The following TBC1D1 variants were observed in gnomAD, a reference collection of about 807,000 sequenced individuals.
TBC1D1 encodes the protein TBC1 (tre-2/USP6, BUB2, cdc16) domain family, member 1.
In TBC1D1, 89 loss-of-function variants were observed where a neutral mutation model predicts 125.6. That is an observed-to-expected ratio of 0.71 (90% CI 0.60 to 0.85). The LOEUF is 0.85. Among genes scored for constraint, TBC1D1 ranks in the 40% least tolerant of loss-of-function variants. The probability of loss-of-function intolerance (pLI) is 0.00; values close to 1 mark genes in which losing one functional copy is unlikely to be tolerated. For synonymous variants in TBC1D1, 565 were observed against 564.1 expected, an observed-to-expected ratio of 1.00 and a Z score of -0.02; for missense variants, 1,377 against 1,469.2, an observed-to-expected ratio of 0.94 and a Z score of 1.03.
intron 8 of TBC1D1, among the ~76,000 whole-genome samples, chr4:38,042,303 G>GAAA (rs1748552785): frequency 6.6e-6 from 1 of 152,048 alleles, no homozygotes; most frequent in Non-Finnish European, 1.5e-5. Context: ...CACCCAAGCT[G>GAAA]GAGTGCGGTG....
At chr4:37,943,552 T>C (rs886239522) in intron 2 of TBC1D1, among the ~76,000 whole-genome samples, 65 of 152,346 alleles carry the variant, frequency 4.3e-4, no homozygotes, top group African/African-American at 1.3e-3. Context: ...CTCTTTTTTC[T>C]CCAAACTTCT....
intron 3 of TBC1D1, among the ~76,000 whole-genome samples, chr4:38,016,210 C>T (rs2152429444): frequency 6.6e-6 from 1 of 152,256 alleles, no homozygotes. Flanking sequence ...TACAGCATGC[C>T]TGAGAGCATT....
intron 2 of TBC1D1, among the ~76,000 whole-genome samples, chr4:37,998,635 T>C (rs1194319808): frequency 6.6e-6 from 1 of 152,210 alleles, no homozygotes; most frequent in African/African-American, 2.4e-5. Flanking sequence ...CTAAATCATG[T>C]TACCTGTCTG....
chr4:38,005,212 G>T (rs1329870154), intron 2 of TBC1D1, among the ~76,000 whole-genome samples: 1 of 152,204 alleles, frequency 6.6e-6, no homozygotes, highest in African/African-American at 2.4e-5. Flanking sequence ...ATATAAATGT[G>T]TGCTTTATTT....
At chr4:38,009,544 TA>T (rs1227949175) in intron 2 of TBC1D1, among the ~76,000 whole-genome samples, 1 of 152,232 alleles carries the variant, frequency 6.6e-6, no homozygotes, top group Non-Finnish European at 1.5e-5. Context: ...TTATAATCCC[TA>T]AATCCTTAAA....
intron 15 of TBC1D1, among the ~76,000 whole-genome samples, chr4:38,109,782 C>T (rs1761934899): frequency 1.3e-5 from 2 of 152,234 alleles, no homozygotes; most frequent in Admixed American, 1.3e-4. Flanking sequence ...TACTGGGCAA[C>T]TGATAACCAA....
chr4:38,127,586 G>T (rs1764874366), intron 18 of TBC1D1, among the ~76,000 whole-genome samples: 1 of 152,120 alleles, frequency 6.6e-6, no homozygotes, highest in South Asian at 2.1e-4. Context: ...GTTTCGCCAT[G>T]TTGGCCAGGC....
chr4:38,116,275 G>A (rs1249688523), intron 16 of TBC1D1, among the ~76,000 whole-genome samples: 1 of 152,084 alleles, frequency 6.6e-6, no homozygotes, highest in Non-Finnish European at 1.5e-5. Flanking sequence ...CTTCCCTCTT[G>A]CCCCCATCAG....
In TBC1D1 at chr4:37,993,667, C is replaced by T. The variant is rs141465813; in HGVS notation, c.418-20842C>T. Among the ~76,000 whole-genome samples, 1,261 of 152,268 alleles carry T rather than the reference C, an allele frequency of 8.3e-3. 56 individuals are homozygous for T. Among genetic ancestry groups the T allele is most frequent in the Admixed American group, 0.075 (1,150 of 15,292 alleles). ...CGCAATCTCAACTCACTGCAACCTC[C>T]GCCTCCCGGGTTCAAGCAATTCTCC... On this transcript the variant is annotated intron_variant, in intron 2 of 19. Coordinates refer to ENST00000261439, the MANE Select transcript of TBC1D1 (RefSeq NM_015173.4).
At chr4:37,893,945 A>C (rs1386571507) in intron 1 of TBC1D1, among the ~76,000 whole-genome samples, 1 of 151,102 alleles carries the variant, frequency 6.6e-6, no homozygotes, top group East Asian at 1.9e-4. Flanking sequence ...TTTAGACCAG[A>C]TTCTTCACGA....
intron 18 of TBC1D1, among the ~76,000 whole-genome samples, chr4:38,129,167 G>A (rs1377679310): frequency 6.6e-6 from 1 of 152,132 alleles, no homozygotes; most frequent in Admixed American, 6.5e-5. Context: ...ACCCTGCTGT[G>A]GGCAACTCTG....
chr4:37,895,475 T>C (rs1714361886), intron 1 of TBC1D1, among the ~76,000 whole-genome samples: 2 of 152,108 alleles, frequency 1.3e-5, no homozygotes, highest in Non-Finnish European at 2.9e-5. Flanking sequence ...AGGCCGAGGC[T>C]GGCAGATCAC....
chr4:38,040,851 G>C (rs1451323493), intron 8 of TBC1D1, among the ~76,000 whole-genome samples: 1 of 152,150 alleles, frequency 6.6e-6, no homozygotes, highest in African/African-American at 2.4e-5. Flanking sequence ...CATTTAGCAG[G>C]CACTTGGTCA....
At chr4:38,013,897 A>T (rs995236284) in intron 2 of TBC1D1, among the ~76,000 whole-genome samples, 5 of 152,224 alleles carry the variant, frequency 3.3e-5, no homozygotes, top group African/African-American at 1.2e-4. Flanking sequence ...TTGACTTGCT[A>T]GTCACTATTC....
chr4:38,020,521 T>C lies in TBC1D1; in HGVS notation c.973-70T>C. On this transcript the variant is annotated intron_variant, in intron 4 of 19. Coordinates refer to ENST00000261439, the MANE Select transcript of TBC1D1 (RefSeq NM_015173.4). ...TAAAATAAATTGTGCTGTATAAATC[T>C]TGAGGTGCATTTCTGAGGATGGTGC... 6.5e-6 allele frequency: 8 copies of C among 1,224,360 alleles called. No individual in the cohort carries two copies. The South Asian group carries it at 9.7e-5, about 15-fold the overall frequency. 75.8% of individuals were successfully genotyped at this position (1,224,360 alleles called of 1,614,324 possible). A position where few individuals can be genotyped will look rare whatever the true frequency, so the allele number is the denominator to read the frequency against.
At chr4:37,931,122 A>T (rs915706369) in intron 2 of TBC1D1, among the ~76,000 whole-genome samples, 2 of 117,262 alleles carry the variant, frequency 1.7e-5, no homozygotes, top group Non-Finnish European at 3.8e-5. Context: ...TGTTTGTTTG[A>T]GATGGAGTCT....
At chr4:38,037,547 A>T (rs962132172) in intron 8 of TBC1D1, among the ~76,000 whole-genome samples, 3 of 152,144 alleles carry the variant, frequency 2.0e-5, no homozygotes, top group Non-Finnish European at 2.9e-5. Context: ...ATTCACTGAT[A>T]GATCCTTTTC....
At chr4:38,125,726 A>G (rs1167925521) in intron 18 of TBC1D1, among the ~76,000 whole-genome samples, 1 of 152,170 alleles carries the variant, frequency 6.6e-6, no homozygotes, top group African/African-American at 2.4e-5. Flanking sequence ...TTTACTGGGA[A>G]TTACAACTAA....
chr4:38,007,271 GA>G (rs1360859035), intron 2 of TBC1D1, among the ~76,000 whole-genome samples: 1 of 151,368 alleles, frequency 6.6e-6, no homozygotes, highest in Non-Finnish European at 1.5e-5. Context: ...ATTATTTTTT[GA>G]GACGGAGTCT....
Sources: allele counts gnomAD v4.1 joint callset (sites outside exome capture counted in the v4.1 genomes callset), GRCh38; gene constraint gnomAD v4.1.1; transcripts MANE v1.5; gene names NCBI Gene and HGNC (gene_info 2026-07-23, HGNC 2026-07-21).